The following ITGB7 variants were observed in gnomAD, a reference collection of about 807,000 sequenced individuals.
ITGB7 encodes integrin subunit beta 7, also known as integrin beta-7.
In ITGB7, 55 loss-of-function variants were observed where a neutral mutation model predicts 83.4. That is an observed-to-expected ratio of 0.66 (90% CI 0.53 to 0.83). The LOEUF (loss-of-function observed/expected upper bound fraction) is 0.83, where lower values mean the gene tolerates loss of function less well. Among genes scored for constraint, ITGB7 ranks in the 40% least tolerant of loss-of-function variants. The pLI, the probability that ITGB7 is intolerant of heterozygous loss-of-function variation, is 0.00. For missense variants in ITGB7, 921 were observed against 1,046.7 expected (o/e 0.88, Z 1.66); for synonymous variants, 454 against 423.6 (o/e 1.07, Z -0.88).
At chr12:53,200,050 A>G (rs1942286790) in intron 3 of ITGB7, among the ~76,000 whole-genome samples, 193 bp downstream of exon 3, 1 of 152,254 alleles carries the variant, frequency 6.6e-6, no homozygotes, top group Non-Finnish European at 1.5e-5. Flanking sequence ...ACTTGCATGC[A>G]TGTGTATGCA....
rs1435032572 is a variant in ITGB7, at chr12:53,196,735, C to T, written c.660G>A (p.Leu220=). The T allele has an allele frequency of 1.2e-6, 2 of 1,613,632 alleles. No homozygotes were observed. Among genetic ancestry groups the T allele is most frequent in the East Asian group, 2.2e-5 (1 of 44,872 alleles). Reference sequence around the variant, plus strand: ...AGCTGAATGGTGACTGGCAGCGCTCCAGCCGGGTGGGGCAGGGGTGGCGCA... The same window carrying T: ...AGCTGAATGGTGACTGGCAGCGCTCTAGCCGGGTGGGGCAGGGGTGGCGCA... ...SKLRHPCPTR[L]ERCQSPFSFH... The change falls in exon 6 of 16, where the codon CTG becomes CTA. Residue 220 remains leucine (L), a synonymous_variant. Transcript: ENST00000267082.
At chr12:53,199,535 T>G (rs1592408733) in intron 3 of ITGB7, among the ~76,000 whole-genome samples, 1 of 49,496 alleles carries the variant, frequency 2.0e-5, no homozygotes, top group African/African-American at 7.7e-5. Flanking sequence ...CCCCACCCCA[T>G]CCTCTGTTGA....
At chr12:53,193,667 T>TG (rs764266522) in intron 11 of ITGB7, 41 bp downstream of exon 11, 149 of 1,555,416 alleles carry the variant, frequency 9.6e-5, no homozygotes, top group Non-Finnish European at 1.2e-4. Flanking sequence ...GTTGGTTGGT[T>TG]GTTGGGAGCC....
chr12:53,203,647 C>CAAAAAAAAA (rs1158624130), intron 1 of ITGB7, among the ~76,000 whole-genome samples: 31 of 50,950 alleles, frequency 6.1e-4, no homozygotes, highest in African/African-American at 1.1e-3. Context: ...GACCCTGTCT[C>CAAAAAAAAA]AAAAAAAAAA....
intron 1 of ITGB7, among the ~76,000 whole-genome samples, chr12:53,202,828 G>A (rs1404410618): frequency 6.6e-6 from 1 of 152,056 alleles, no homozygotes; most frequent in Non-Finnish European, 1.5e-5. Context: ...GGGTGTAGTG[G>A]CACACGCCAC....
At chr12:53,205,809 G>A (rs1225541599) in intron 1 of ITGB7, among the ~76,000 whole-genome samples, 1 of 152,156 alleles carries the variant, frequency 6.6e-6, no homozygotes, top group Non-Finnish European at 1.5e-5. Context: ...AAGGGGTGGG[G>A]TGTTGAGTCC....
Position 53,195,392 on chromosome 12 carries a change from G to T in ITGB7, c.1143C>A (p.Leu381=). The change falls in exon 9 of 16, where the codon CTC becomes CTA. Residue 381 remains leucine (L), a synonymous_variant. Coordinates refer to ENST00000267082, the MANE Select transcript of ITGB7 (RefSeq NM_000889.3). ...CCCTCACATTATAAGCATCCATGAT[G>T]AGCTGTACCACGTTGCTGGAGTCCT... is the stretch of plus-strand genomic sequence containing the variant. ...LSEDSSNVVQ[L]IMDAYNSLSS... The T allele has an allele frequency of 6.2e-7, 1 of 1,612,160 alleles. No individual in the cohort carries two copies. The highest frequency in any genetic ancestry group is 8.5e-7 in the Non-Finnish European group (1 of 1,178,544).
At chr12:53,199,848 T>A (rs12232003) in intron 3 of ITGB7, among the ~76,000 whole-genome samples, 1 of 152,030 alleles carries the variant, frequency 6.6e-6, no homozygotes, top group Non-Finnish European at 1.5e-5. Context: ...ACCACCCAGC[T>A]TATGGTATTT....
chr12:53,201,456 A>G (rs1444588574), intron 1 of ITGB7, among the ~76,000 whole-genome samples: 2 of 152,150 alleles, frequency 1.3e-5, no homozygotes, highest in Non-Finnish European at 2.9e-5. Flanking sequence ...AAAATTTTCT[A>G]CTTTCTGTAC....
chr12:53,192,569 T>A, intron 13 of ITGB7, 31 bp from the exon 14 acceptor site: 1 of 1,609,248 alleles, frequency 6.2e-7, no homozygotes. Flanking sequence ...GGTTACCAGC[T>A]GGGCAGTTGT....
At chr12:53,198,635 C>A (rs1488833993) in intron 3 of ITGB7, among the ~76,000 whole-genome samples, 1 of 151,654 alleles carries the variant, frequency 6.6e-6, no homozygotes, top group Admixed American at 6.6e-5. Context: ...TCCCCCTTGC[C>A]CCAGCCACCT....
chr12:53,191,768 CA>C, intron 15 of ITGB7, 90 bp downstream of exon 15: 1 of 1,574,964 alleles, frequency 6.3e-7, no homozygotes, highest in Non-Finnish European at 8.7e-7. Context: ...TTACATGTGC[CA>C]GGGGCTGGGG....
intron 12 of ITGB7, 49 bp from the exon 13 acceptor site, chr12:53,192,959 T>G: frequency 1.3e-6 from 2 of 1,571,706 alleles, no homozygotes; most frequent in Non-Finnish European, 1.7e-6. Context: ...ACACACACAG[T>G]TGGCCATCAT....
chr12:53,206,022 C>T (rs1016116963), intron 1 of ITGB7, among the ~76,000 whole-genome samples: 2 of 152,162 alleles, frequency 1.3e-5, no homozygotes, highest in African/African-American at 2.4e-5. Context: ...AGTGGAGCCC[C>T]GGCTGCCGCA....
At chr12:53,198,715 A>G (rs779912002) in intron 3 of ITGB7, among the ~76,000 whole-genome samples, 13 of 152,098 alleles carry the variant, frequency 8.5e-5, no homozygotes, top group Non-Finnish European at 1.6e-4. Context: ...CCACAAAAAA[A>G]CAGGGGCCTT....
chr12:53,192,753 G>C lies in ITGB7; in HGVS notation c.1884C>G (p.Asp628Glu). The C allele has an allele frequency of 1.2e-6, 2 of 1,614,234 alleles. No individual in the cohort carries two copies. The highest frequency in any genetic ancestry group is 1.7e-6 in the Non-Finnish European group (2 of 1,180,050). The change falls in exon 13 of 16, where the codon GAC becomes GAG. Residue 628 changes from aspartate to glutamate, a missense_variant. Asp to Glu is a conservative substitution (Grantham distance 45). Transcript: ENST00000267082. ...RCKCNRCQCLDGYYGALCDQC... is the reference protein window; with the variant it reads ...RCKCNRCQCLEGYYGALCDQC... Reference sequence around the variant, plus strand: ...GGTCGCATAGAGCACCATAGTAGCCGTCCAAGCACTGGCAGCGGTTGCATT... The same window carrying C: ...GGTCGCATAGAGCACCATAGTAGCCCTCCAAGCACTGGCAGCGGTTGCATT...
At chr12:53,198,041 T>C in intron 3 of ITGB7, 90 bp from the exon 4 acceptor site, 1 of 1,002,494 alleles carries the variant, frequency 1.0e-6, no homozygotes, top group Non-Finnish European at 1.5e-6. Context: ...CGGCCACCTC[T>C]AATGCCCCCA....
rs542681523 is a variant in ITGB7 at position 53,205,787 on chromosome 12, CAG to C, written c.-127+1413_-127+1414del. ...CAGAGTCAGGTCCAGATACTCTGCA[CAG>C]AGTGTGGGAAAGGGGTGGGGTGTTG... On this transcript the variant is annotated intron_variant, in intron 1 of 15. Transcript: ENST00000267082. Among the ~76,000 whole-genome samples the C allele has an allele frequency of 2.4e-3, 361 of 152,290 alleles. 2 individuals are homozygous for C. The highest frequency in any genetic ancestry group is 8.3e-3 in the African/African-American group (346 of 41,570).
chr12:53,200,731 C>T (rs753661624), intron 2 of ITGB7, among the ~76,000 whole-genome samples: 21 of 152,142 alleles, frequency 1.4e-4, no homozygotes, highest in Non-Finnish European at 2.6e-4. Context: ...GAATTCGAAA[C>T]CAGCCTAGTC....
Sources: gnomAD v4.1 joint callset for allele counts (sites outside exome capture counted in the v4.1 genomes callset) on GRCh38, gnomAD v4.1.1 for gene constraint, MANE v1.5 for transcripts, NCBI Gene and HGNC (gene_info 2026-07-23, HGNC 2026-07-21) for gene names.